ADCY10: variants seen among roughly 807,000 people sequenced by gnomAD.
ADCY10 encodes adenylate cyclase 10, also known as adenylate cyclase type 10.
In ADCY10, 156 loss-of-function variants were observed where a neutral mutation model predicts 183.3. The ratio of observed to expected loss-of-function variants is 0.85; its 90% CI spans 0.75 to 0.97. The LOEUF is 0.97. Among genes scored for constraint, ADCY10 ranks in the 50% least tolerant of loss-of-function variants. ADCY10 has a pLI of 0.00. For missense variants in ADCY10, 1,745 were observed against 1,934.3 expected (o/e 0.90, Z 1.84); for synonymous variants, 645 against 670.0 (o/e 0.96, Z 0.58).
chr1:167,850,063 A>G (rs3767452), intron 18 of ADCY10, among the ~76,000 whole-genome samples: 1 of 152,196 alleles, frequency 6.6e-6, no homozygotes, highest in African/African-American at 2.4e-5. Context: ...TGAAGAGGAG[A>G]TAGTAGTAAT....
At chr1:167,830,920 C>T (rs1333830206) in intron 25 of ADCY10, among the ~76,000 whole-genome samples, 1 of 152,174 alleles carries the variant, frequency 6.6e-6, no homozygotes, top group African/African-American at 2.4e-5. Flanking sequence ...TATCTGTGAC[C>T]TGGAAGCTCC....
chr1:167,825,945 C>G lies in ADCY10; in HGVS notation c.3751-1090G>C, dbSNP rs1663258453. Among the ~76,000 whole-genome samples, 4 of 152,156 alleles carry G rather than the reference C, an allele frequency of 2.6e-5. No homozygotes were observed. The South Asian group carries it at 6.2e-4, about 24-fold the overall frequency. ...TAAAGAAGCAGTTTTATTATATATA[C>G]AAAAACAAAATAATACATGTAAACT... is the stretch of plus-strand genomic sequence containing the variant. On this transcript the variant is annotated intron_variant, in intron 26 of 32. Transcript: ENST00000367851.
chr1:167,828,635 T>C (rs7556337), intron 26 of ADCY10, among the ~76,000 whole-genome samples: 120 of 152,318 alleles, frequency 7.9e-4, no homozygotes, highest in African/African-American at 2.8e-3. Context: ...GTAATTATGT[T>C]AATATGTAAT....
intron 30 of ADCY10, chr1:167,820,782 A>T (rs893046744): frequency 2.0e-5 from 3 of 152,178 alleles, no homozygotes; most frequent in African/African-American, 7.2e-5. Context: ...ACAAAAGATT[A>T]AAATTAGCCA....
chr1:167,840,958 TG>T (rs201747347), intron 21 of ADCY10, among the ~76,000 whole-genome samples: 8,211 of 73,818 alleles, frequency 0.11, 453 homozygotes, highest in African/African-American at 0.4. Context: ...TTTTTTTTTT[TG>T]AGACAGGGCC....
chr1:167,909,679 G>A (rs1670029412), intron 1 of ADCY10, among the ~76,000 whole-genome samples: 1 of 152,098 alleles, frequency 6.6e-6, no homozygotes, highest in African/African-American at 2.4e-5. Context: ...CCCTGCTTGA[G>A]TAGATCTTGC....
chr1:167,876,533 C>T (rs1667482372), intron 12 of ADCY10, among the ~76,000 whole-genome samples: 2 of 152,150 alleles, frequency 1.3e-5, no homozygotes, highest in African/African-American at 4.8e-5. Flanking sequence ...ATGTAACATA[C>T]AGCTAAGTTT....
intron 25 of ADCY10, among the ~76,000 whole-genome samples, chr1:167,829,635 T>C (rs542546665): frequency 5.1e-4 from 78 of 152,360 alleles, no homozygotes; most frequent in African/African-American, 1.9e-3. Context: ...ACCTACTTTA[T>C]AATGATTAAG....
intron 2 of ADCY10, chr1:167,904,785 A>G: frequency 3.0e-6 from 2 of 658,932 alleles, no homozygotes; most frequent in Non-Finnish European, 5.3e-6. Context: ...AGATATGCCT[A>G]TGACTGGCAG....
chr1:167,845,483 A>T, intron 21 of ADCY10, 80 bp downstream of exon 21: 1 of 1,486,066 alleles, frequency 6.7e-7, no homozygotes, highest in Non-Finnish European at 9.3e-7. Flanking sequence ...AGCCCTCAAG[A>T]TCCACACCCA....
chr1:167,874,420 A>G (rs1667311303), intron 13 of ADCY10, among the ~76,000 whole-genome samples: 1 of 152,276 alleles, frequency 6.6e-6, no homozygotes, highest in Admixed American at 6.5e-5. Context: ...AATGGAAACC[A>G]TAATAAGATA....
intron 14 of ADCY10, among the ~76,000 whole-genome samples, chr1:167,863,928 G>T (rs891934441): frequency 2.4e-4 from 37 of 152,114 alleles, no homozygotes; most frequent in Admixed American, 2.4e-3. Context: ...ACTTGGTTTT[G>T]GTTTTGACTT....
Position 167,818,134 on chromosome 1 carries a change from G to A in ADCY10, c.4420C>T (p.Leu1474Phe). ...GACTGTTCTTTGATTTGTTTTTGAA[G>A]GTGAAGAACTTGCCCCTCCATGTAC... ...SRYMEGQVLH[L>F]QKQIKEQSEN... Residue 1474 changes from leucine (L) to phenylalanine (F), a missense_variant, in exon 31 of 33, where the codon CTT (leucine) becomes TTT (phenylalanine). Coordinates refer to ENST00000367851, the MANE Select transcript of ADCY10 (RefSeq NM_018417.6). 6.2e-7 allele frequency: 1 copy of A among 1,614,180 alleles called. No individual in the cohort carries two copies. The highest frequency in any genetic ancestry group is 8.5e-7 in the Non-Finnish European group (1 of 1,180,038).
At chr1:167,817,054 C>A (rs1434767832) in intron 31 of ADCY10, among the ~76,000 whole-genome samples, 1 of 152,152 alleles carries the variant, frequency 6.6e-6, no homozygotes, top group African/African-American at 2.4e-5. Flanking sequence ...ACCCGCCAAA[C>A]TGTGAGTTAA....
At chr1:167,908,657 T>C (rs141535919) in intron 1 of ADCY10, among the ~76,000 whole-genome samples, 2 of 152,324 alleles carry the variant, frequency 1.3e-5, no homozygotes, top group East Asian at 3.9e-4. Flanking sequence ...TTGTACACCA[T>C]AAATATGTAC....
In ADCY10 at chr1:167,810,899, C is replaced by A; in HGVS notation, c.4497G>T (p.Leu1499=). 6.2e-7 allele frequency: 1 copy of A among 1,614,016 alleles called. No homozygotes were observed. Among genetic ancestry groups the A allele is most frequent in the Non-Finnish European group, 8.5e-7 (1 of 1,179,988 alleles). The change falls in exon 32 of 33, where the codon CTG becomes CTT. Residue 1499 remains leucine (L), a synonymous_variant. Coordinates refer to ENST00000367851, the MANE Select transcript of ADCY10 (RefSeq NM_018417.6). ...GEELLKNLEN[L]VAQNTTGPVF... ...CAGGGCCAGTGGTATTTTGAGCCAC[C>A]AGATTCTCCAAGTTCTAAAGAAAAA...
At chr1:167,882,380 G>A (rs777370724) in intron 9 of ADCY10, among the ~76,000 whole-genome samples, 12 of 151,454 alleles carry the variant, frequency 7.9e-5, no homozygotes, top group Admixed American at 3.3e-4. Context: ...AGCTACTCAG[G>A]AGGCTGAGTC....
intron 21 of ADCY10, among the ~76,000 whole-genome samples, chr1:167,840,901 G>A (rs1664577757): frequency 6.6e-6 from 1 of 151,628 alleles, no homozygotes; most frequent in African/African-American, 2.4e-5. Context: ...TGTCTCCCCA[G>A]GTTCAGGACA....
chr1:167,819,562 A>T (rs563328608), intron 30 of ADCY10, among the ~76,000 whole-genome samples: 17 of 145,876 alleles, frequency 1.2e-4, no homozygotes, highest in Admixed American at 2.7e-4. Context: ...TTTATTTTTT[A>T]TTTTTTTTTA....
Sources: allele counts gnomAD v4.1 joint callset (sites outside exome capture counted in the v4.1 genomes callset), GRCh38; gene constraint gnomAD v4.1.1; transcripts MANE v1.5; gene names NCBI Gene and HGNC (gene_info 2026-07-23, HGNC 2026-07-21).